TPST2: variants seen among roughly 807,000 people sequenced by gnomAD.
The protein encoded by TPST2 is protein-tyrosine sulfotransferase 2.
Under a neutral mutation model 27.8 loss-of-function variants are expected in TPST2, and 16 were observed. The ratio of observed to expected loss-of-function variants is 0.58; its 90% CI spans 0.39 to 0.88. TPST2 has a LOEUF of 0.88. TPST2 is among the 40% of genes least tolerant of loss of function. TPST2 has a pLI of 0.00. For synonymous variants in TPST2, 229 were observed against 231.7 expected (o/e 0.99, Z 0.10); for missense variants, 464 against 543.1 (o/e 0.85, Z 1.45).
At position 26,523,108 on chromosome 22, in the gene TPST2, G is replaced by A. The variant is rs1276979738; in HGVS notation, c.*3167C>T. On this transcript the variant is annotated 3_prime_UTR_variant, in exon 7 of 7. Coordinates refer to ENST00000338754, the MANE Select transcript of TPST2 (RefSeq NM_003595.5). ...GGAGTTAGAGGTTGCAGTGAGCTGTGTTTGCAGGAGTTAGAGGTTGCAGTG... is the reference window on the plus strand; with the variant it reads ...GGAGTTAGAGGTTGCAGTGAGCTGTATTTGCAGGAGTTAGAGGTTGCAGTG... The A allele has an allele frequency of 6.6e-6, 1 of 151,980 alleles. No homozygotes were observed. The highest frequency in any genetic ancestry group is 1.5e-5 in the Non-Finnish European group (1 of 68,084). The allele number at this position is 151,980 out of a possible 1,614,324, so 9.4% of individuals were successfully genotyped here. A position where few individuals can be genotyped will look rare whatever the true frequency, so the allele number is the denominator to read the frequency against.
chr22:26,583,945 A>G (rs1416542700), intron 1 of TPST2, among the ~76,000 whole-genome samples: 1 of 152,218 alleles, frequency 6.6e-6, no homozygotes, highest in Non-Finnish European at 1.5e-5. Context: ...TTACGTGACA[A>G]TGGGGAGTAG....
At chr22:26,562,944 GT>G (rs1002125238) in intron 1 of TPST2, among the ~76,000 whole-genome samples, 7 of 152,266 alleles carry the variant, frequency 4.6e-5, no homozygotes, top group Middle Eastern at 3.4e-3. Flanking sequence ...TCCAGAGATA[GT>G]TTTGGTGTTA....
intron 3 of TPST2, among the ~76,000 whole-genome samples, chr22:26,537,907 T>C (rs540228961): frequency 2.0e-5 from 3 of 152,328 alleles, no homozygotes; most frequent in African/African-American, 7.2e-5. Context: ...TTGCCAGCTA[T>C]GTAGCCTTCC....
intron 1 of TPST2, among the ~76,000 whole-genome samples, chr22:26,548,099 C>A (rs1242407039): frequency 6.6e-6 from 1 of 152,136 alleles, no homozygotes; most frequent in African/African-American, 2.4e-5. Flanking sequence ...TAATACAGGT[C>A]AAGTAGCCCT....
At chr22:26,531,153 C>T (rs984608615) in intron 5 of TPST2, among the ~76,000 whole-genome samples, 9 of 152,200 alleles carry the variant, frequency 5.9e-5, no homozygotes, top group South Asian at 4.1e-4. Context: ...CATACCCCCA[C>T]GCTCAGGAGG....
chr22:26,583,758 T>A (rs1364518036), intron 1 of TPST2, among the ~76,000 whole-genome samples: 1 of 151,968 alleles, frequency 6.6e-6, no homozygotes, highest in Non-Finnish European at 1.5e-5. Context: ...AAGAATAGCT[T>A]GAACCCAGGA....
intron 1 of TPST2, among the ~76,000 whole-genome samples, chr22:26,551,793 T>TCATG (rs1926483529): frequency 6.6e-6 from 1 of 151,960 alleles, no homozygotes; most frequent in Non-Finnish European, 1.5e-5. Context: ...TGGAAGAGTG[T>TCATG]CATGGGAACT....
At chr22:26,547,575 A>C (rs1005110651) in intron 1 of TPST2, 8 of 152,180 alleles carry the variant, frequency 5.3e-5, no homozygotes, top group African/African-American at 1.9e-4. Flanking sequence ...CAGGGTGAGC[A>C]CGACTCTACC....
At chr22:26,539,382 T>C (rs1268894196) in intron 3 of TPST2, among the ~76,000 whole-genome samples, 1 of 151,310 alleles carries the variant, frequency 6.6e-6, no homozygotes, top group African/African-American at 2.4e-5. Context: ...GCTTTTCCAA[T>C]GGAAGAAGGC....
intron 1 of TPST2, among the ~76,000 whole-genome samples, chr22:26,562,651 T>A (rs1927171452): frequency 6.7e-6 from 1 of 149,828 alleles, no homozygotes; most frequent in South Asian, 2.1e-4. Context: ...TGAGACTGAC[T>A]CTCACTATGT....
chr22:26,574,053 C>T (rs2147234060), intron 1 of TPST2, among the ~76,000 whole-genome samples: 1 of 152,188 alleles, frequency 6.6e-6, no homozygotes, highest in East Asian at 1.9e-4. Flanking sequence ...GACAGATTTA[C>T]AATTGGGGAA....
In TPST2 at chr22:26,523,383, A is replaced by G. The variant is rs1924656421; in HGVS notation, c.*2892T>C. ...GGAGCTATTGAGAGGAAGTACAAAT[A>G]GAGCCACTTGCCTTCTTACTATCAA... On this transcript the variant is annotated 3_prime_UTR_variant, in exon 7 of 7. Coordinates refer to ENST00000338754, the MANE Select transcript of TPST2 (RefSeq NM_003595.5). 2.0e-5 allele frequency: 3 copies of G among 152,194 alleles called. No homozygotes were observed. Among genetic ancestry groups the G allele is most frequent in the African/African-American group, 4.8e-5 (2 of 41,462 alleles). The allele number at this position is 152,194 out of a possible 1,614,324, so 9.4% of individuals were successfully genotyped here. A position where few individuals can be genotyped will look rare whatever the true frequency, so the allele number is the denominator to read the frequency against.
chr22:26,527,828 T>C (rs1205083256), intron 6 of TPST2, among the ~76,000 whole-genome samples: 1 of 152,196 alleles, frequency 6.6e-6, no homozygotes, highest in East Asian at 1.9e-4. Flanking sequence ...AGAACATTAA[T>C]TGCTCTGGCC....
chr22:26,566,841 G>T (rs999655872), intron 1 of TPST2, among the ~76,000 whole-genome samples: 1 of 152,080 alleles, frequency 6.6e-6, no homozygotes, highest in Non-Finnish European at 1.5e-5. Context: ...CTCTTCCCCC[G>T]CTCATATCGT....
chr22:26,548,720 T>C (rs548603481), intron 1 of TPST2, among the ~76,000 whole-genome samples: 2 of 139,688 alleles, frequency 1.4e-5, no homozygotes, highest in Non-Finnish European at 3.2e-5. Flanking sequence ...CCCAGCACTT[T>C]GAGGGCTGAG....
At chr22:26,560,453 A>C (rs1023413551) in intron 1 of TPST2, 1 of 718,760 alleles carries the variant, frequency 1.4e-6, no homozygotes. Flanking sequence ...AGCTCCACAG[A>C]GACAGCGCCG....
At chr22:26,536,528 G>C in intron 3 of TPST2, 42 bp from the exon 4 acceptor site, 1 of 1,442,810 alleles carries the variant, frequency 6.9e-7, no homozygotes, top group South Asian at 1.6e-5. Flanking sequence ...GGCAGACCCA[G>C]ATGGCGCCTG....
intron 1 of TPST2, among the ~76,000 whole-genome samples, chr22:26,567,322 G>A (rs1927420048): frequency 2.0e-5 from 3 of 152,226 alleles, no homozygotes; most frequent in Non-Finnish European, 4.4e-5. Context: ...TCCCCTCCAA[G>A]GGTAGGAAAT....
intron 4 of TPST2, among the ~76,000 whole-genome samples, chr22:26,534,222 G>A (rs1943539738): frequency 6.6e-6 from 1 of 152,086 alleles, no homozygotes; most frequent in African/African-American, 2.4e-5. Context: ...TGTTTACTGA[G>A]CCCCAGGATC....
Sources: gnomAD v4.1 joint callset for allele counts (sites outside exome capture counted in the v4.1 genomes callset) on GRCh38, gnomAD v4.1.1 for gene constraint, MANE v1.5 for transcripts, NCBI Gene and HGNC (gene_info 2026-07-23, HGNC 2026-07-21) for gene names.